Variants in RPS6KB1 observed in about 807,000 individuals in gnomAD.
RPS6KB1 encodes the protein ribosomal protein S6 kinase beta-1.
A neutral mutation model predicts 70.2 loss-of-function variants in RPS6KB1; 12 were observed. That is an observed-to-expected ratio of 0.17 (90% CI 0.11 to 0.28). The LOEUF (loss-of-function observed/expected upper bound fraction) is 0.28. Among genes scored for constraint, RPS6KB1 ranks in the 10% least tolerant of loss-of-function variants. The probability of loss-of-function intolerance (pLI) is 1.00; values close to 1 mark genes in which losing one functional copy is unlikely to be tolerated. For missense variants in RPS6KB1, 270 were observed against 646.6 expected (o/e 0.42, Z 6.32); for synonymous variants, 175 against 211.2 (o/e 0.83, Z 1.49).
At chr17:59,896,840 A>G (rs553195837) in intron 1 of RPS6KB1, among the ~76,000 whole-genome samples, 10 of 152,030 alleles carry the variant, frequency 6.6e-5, no homozygotes, top group Non-Finnish European at 1.3e-4. Context: ...GTGCCTCAAG[A>G]TGGATAATGG....
Position 59,946,349 on chromosome 17 carries a change from A to G in RPS6KB1, c.1341-202A>G, listed in dbSNP as rs149853740. On this transcript the variant is annotated intron_variant, in intron 14 of 14. Transcript: ENST00000225577. This position sits in a 1 kb window ranked among gnomAD's most constrained non-coding sequence, Gnocchi z 4.2. ...GGTTTTGGGGGTCAGGTGTAGAGGT[A>G]AAGAGACCAGTTAGGAAATTCTAGC... Among the ~76,000 whole-genome samples, 41 of 152,316 alleles carry G rather than the reference A, an allele frequency of 2.7e-4. No individual in the cohort carries two copies. Among genetic ancestry groups the G allele is most frequent in the African/African-American group, 8.4e-4 (35 of 41,562 alleles).
At chr17:59,915,051 C>T (rs924038258) in intron 4 of RPS6KB1, among the ~76,000 whole-genome samples, 1 of 150,960 alleles carries the variant, frequency 6.6e-6, no homozygotes, top group African/African-American at 2.4e-5. Context: ...TGCGGTGGTG[C>T]GATGTCGGCT....
intron 7 of RPS6KB1, among the ~76,000 whole-genome samples, chr17:59,932,279 G>A (rs539221192): frequency 9.2e-5 from 14 of 151,986 alleles, no homozygotes; most frequent in African/African-American, 2.7e-4. Context: ...GGGCATGATG[G>A]TGGGTGCCTG....
Position 59,934,726 on chromosome 17 carries a change from TGTCATGGCA to T in RPS6KB1, c.870+204_870+212del. The T allele has an allele frequency of 1.9e-6, 1 of 529,226 alleles. No homozygotes were observed. The allele number at this position is 529,226 out of a possible 1,614,324, so 32.8% of individuals were successfully genotyped here. A position where few individuals can be genotyped will look rare whatever the true frequency, so the allele number is the denominator to read the frequency against. On this transcript the variant is annotated intron_variant, in intron 9 of 14. Transcript: ENST00000225577. The surrounding 1 kb of genome is among the most constrained non-coding windows in gnomAD (Gnocchi z 4.8). ...GAAACATTTTCTTTTAAATGATCTATGTCATGGCAGGCCTGTGAAATAGATGTTGAATAG... is the reference window on the plus strand; with the variant it reads ...GAAACATTTTCTTTTAAATGATCTATGGCCTGTGAAATAGATGTTGAATAG...
rs2044111996 is a variant in RPS6KB1, at chr17:59,934,303, A to C, written c.779+43A>C. ...CATAATTGGTTTGGGGGTAATAGCT[A>C]ATTTTACCTGTTTTAAGGAATAGTA... On this transcript the variant is annotated intron_variant, in intron 8 of 14. Coordinates refer to ENST00000225577, the MANE Select transcript of RPS6KB1 (RefSeq NM_003161.4). The surrounding 1 kb of genome is among the most constrained non-coding windows in gnomAD (Gnocchi z 4.8). 6.8e-7 allele frequency: 1 copy of C among 1,480,048 alleles called. No homozygotes were observed. Among genetic ancestry groups the C allele is most frequent in the Non-Finnish European group, 9.4e-7 (1 of 1,058,356 alleles). The allele number at this position is 1,480,048 out of a possible 1,614,324, so 91.7% of individuals were successfully genotyped here.
intron 1 of RPS6KB1, among the ~76,000 whole-genome samples, chr17:59,908,613 ATTTTTTTTTTT>A (rs546677930): frequency 1.9e-5 from 2 of 106,164 alleles, no homozygotes; most frequent in South Asian, 6.3e-4. Context: ...TGTAAAAAAA[ATTTTTTTTTTT>A]TTTTTTTTTT....
chr17:59,916,197 TTAAA>T (rs1377870080), intron 4 of RPS6KB1, among the ~76,000 whole-genome samples: 1 of 152,136 alleles, frequency 6.6e-6, no homozygotes, highest in African/African-American at 2.4e-5. Context: ...ACCTCCCAGG[TTAAA>T]GCGATTCCTC....
intron 12 of RPS6KB1, among the ~76,000 whole-genome samples, chr17:59,940,416 A>G (rs943710714): frequency 6.6e-6 from 1 of 150,584 alleles, no homozygotes; most frequent in African/African-American, 2.4e-5. Flanking sequence ...CCTCCTGAGT[A>G]GCTAGGATTA....
chr17:59,925,008 T>A (rs1487479801), intron 4 of RPS6KB1, among the ~76,000 whole-genome samples: 1 of 151,988 alleles, frequency 6.6e-6, no homozygotes. Flanking sequence ...TTTTTTTGTA[T>A]TTTTAGTAGA....
intron 13 of RPS6KB1, among the ~76,000 whole-genome samples, chr17:59,941,658 G>C (rs1228811543): frequency 2.7e-5 from 4 of 146,354 alleles, no homozygotes; most frequent in African/African-American, 1.0e-4. Flanking sequence ...TTTTTGAGAC[G>C]GAGTCTTGCT....
chr17:59,931,530 G>C (rs1598788987), intron 6 of RPS6KB1, 92 bp from the exon 7 acceptor site: 1 of 967,682 alleles, frequency 1.0e-6, no homozygotes, highest in East Asian at 2.4e-5. Context: ...TTTGGTGCAT[G>C]TCTGTTTCTT....
chr17:59,904,540 C>T (rs1194760965), intron 1 of RPS6KB1, among the ~76,000 whole-genome samples: 3 of 151,066 alleles, frequency 2.0e-5, no homozygotes, highest in African/African-American at 7.3e-5. Context: ...ATTACAGGTG[C>T]CCATCACCAC....
intron 4 of RPS6KB1, among the ~76,000 whole-genome samples, chr17:59,915,748 G>A (rs1226885128): frequency 2.8e-5 from 4 of 145,000 alleles, no homozygotes. Context: ...TTACAGGCAC[G>A]AGCCACTGCG....
rs2044132699 is a variant in RPS6KB1 at position 59,934,663 on chromosome 17, A to G, written c.870+139A>G. On this transcript the variant is annotated intron_variant, in intron 9 of 14. Transcript: ENST00000225577. This position sits in a 1 kb window ranked among gnomAD's most constrained non-coding sequence, Gnocchi z 4.8. Reference sequence around the variant, plus strand: ...GATTTGTTATTAGCAGTTTAACACTAATAATGCTGTATGATTATATGGGAT... The same window carrying G: ...GATTTGTTATTAGCAGTTTAACACTGATAATGCTGTATGATTATATGGGAT... 7 of 613,072 alleles carry G rather than the reference A, an allele frequency of 1.1e-5. No individual in the cohort carries two copies. The East Asian group carries it at 1.9e-4, about 17-fold the overall frequency. The allele number at this position is 613,072 out of a possible 1,614,324, so 38.0% of individuals were successfully genotyped here.
At chr17:59,898,053 G>A (rs1425987044) in intron 1 of RPS6KB1, among the ~76,000 whole-genome samples, 1 of 151,996 alleles carries the variant, frequency 6.6e-6, no homozygotes, top group Non-Finnish European at 1.5e-5. Context: ...GGCGGAGGGT[G>A]TCTTTTTTGT....
chr17:59,910,759 A>C, intron 2 of RPS6KB1, 148 bp downstream of exon 2: 1 of 592,678 alleles, frequency 1.7e-6, no homozygotes, highest in Non-Finnish European at 2.9e-6. Context: ...ATTTGGCACC[A>C]AAATCTGATC....
At position 59,893,373 on chromosome 17, in the gene RPS6KB1, C is replaced by A; in HGVS notation, c.141+48C>A. ...GCCCGAGGTGACAGGGCCGGGGCGG[C>A]GGCGCGGGCTCAGGAAGCGCGGTGT... On this transcript the variant is annotated intron_variant, in intron 1 of 14. Coordinates refer to ENST00000225577, the MANE Select transcript of RPS6KB1 (RefSeq NM_003161.4). The surrounding 1 kb of genome is among the most constrained non-coding windows in gnomAD (Gnocchi z 4.1). The A allele has an allele frequency of 6.4e-7, 1 of 1,550,878 alleles. No individual in the cohort carries two copies. Among genetic ancestry groups the A allele is most frequent in the Non-Finnish European group, 8.7e-7 (1 of 1,143,906 alleles).
intron 4 of RPS6KB1, among the ~76,000 whole-genome samples, chr17:59,918,931 A>C (rs1413303481): frequency 6.7e-6 from 1 of 148,276 alleles, no homozygotes; most frequent in Non-Finnish European, 1.5e-5. Flanking sequence ...TCCTGGGTTC[A>C]AGCGATTCTT....
rs981181461 is a variant in RPS6KB1 at position 59,946,422 on chromosome 17, A to G, written c.1341-129A>G. On this transcript the variant is annotated intron_variant, in intron 14 of 14. Transcript: ENST00000225577. This position sits in a 1 kb window ranked among gnomAD's most constrained non-coding sequence, Gnocchi z 4.2. ...ATGGTTCAATTTTTGCCTTTGTGCT[A>G]ATCCACGTGAAAATAAAATTAAATG... The G allele has an allele frequency of 2.1e-5, 16 of 776,870 alleles. No individual in the cohort carries two copies. The highest frequency in any genetic ancestry group is 3.2e-5 in the Non-Finnish European group (15 of 466,946). 48.1% of individuals were successfully genotyped at this position (776,870 alleles called of 1,614,324 possible). A position where few individuals can be genotyped will look rare whatever the true frequency, so the allele number is the denominator to read the frequency against.
Sources: gnomAD v4.1 joint callset for allele counts (sites outside exome capture counted in the v4.1 genomes callset) on GRCh38, gnomAD v4.1.1 for gene constraint, Gnocchi (gnomAD v3.1) non-coding constraint, MANE v1.5 for transcripts, NCBI Gene and HGNC (gene_info 2026-07-23, HGNC 2026-07-21) for gene names.